SNED1: variants seen among roughly 807,000 people sequenced by gnomAD.
SNED1 encodes sushi, nidogen and EGF-like domain-containing protein 1.
A neutral mutation model predicts 166.7 loss-of-function variants in SNED1; 81 were observed. That is an observed-to-expected ratio of 0.49 (90% CI 0.41 to 0.58). The LOEUF is 0.58. SNED1 is among the 20% of genes least tolerant of loss of function. The probability of loss-of-function intolerance (pLI) is 0.00; values close to 1 mark genes in which losing one functional copy is unlikely to be tolerated. For missense variants in SNED1, 1,604 were observed against 2,000.2 expected, an observed-to-expected ratio of 0.80 and a Z score of 3.78; for synonymous variants, 762 against 822.0, an observed-to-expected ratio of 0.93 and a Z score of 1.25.
chr2:241,006,278 G>C (rs1227711205), intron 1 of SNED1, among the ~76,000 whole-genome samples: 6 of 151,726 alleles, frequency 4.0e-5, no homozygotes, highest in African/African-American at 1.5e-4. Context: ...TCATTATGTT[G>C]ACATTTCCTT....
Position 241,069,821 on chromosome 2 carries a change from A to T in SNED1, c.3308-99A>T. 1 of 1,395,488 alleles carries T rather than the reference A, an allele frequency of 7.2e-7. No individual in the cohort carries two copies. Among genetic ancestry groups the T allele is most frequent in the Non-Finnish European group, 9.8e-7 (1 of 1,023,170 alleles). 86.4% of individuals were successfully genotyped at this position (1,395,488 alleles called of 1,614,324 possible). ...CTCCATAATAAAGAATCTGGCTTCC[A>T]GCAAGGCTGCGGCAGCCCATGTCCG... On this transcript the variant is annotated intron_variant, in intron 23 of 31. Coordinates refer to ENST00000310397, the MANE Select transcript of SNED1 (RefSeq NM_001080437.3). This position sits in a 1 kb window ranked among gnomAD's most constrained non-coding sequence, Gnocchi z 4.9.
chr2:241,051,457 C>T lies in SNED1; in HGVS notation c.1736-287C>T, dbSNP rs898862940. ...GCTGCGCCCGCTGCAGTGTTGGGGCCGGTTCTCCACAGGAAGGGCCCAGCC... is the reference window on the plus strand; with the variant it reads ...GCTGCGCCCGCTGCAGTGTTGGGGCTGGTTCTCCACAGGAAGGGCCCAGCC... On this transcript the variant is annotated intron_variant, in intron 12 of 31. Transcript: ENST00000310397. The surrounding 1 kb of genome is among the most constrained non-coding windows in gnomAD (Gnocchi z 4.7). 1.3e-4 allele frequency: 44 copies of T among 342,948 alleles called. No individual in the cohort carries two copies. Among genetic ancestry groups the T allele is most frequent in the South Asian group, 1.3e-4 (1 of 7,914 alleles). The allele number at this position is 342,948 out of a possible 1,614,324, so 21.2% of individuals were successfully genotyped here.
At chr2:241,003,140 G>A (rs1306255412) in intron 1 of SNED1, among the ~76,000 whole-genome samples, 2 of 48,632 alleles carry the variant, frequency 4.1e-5, no homozygotes, top group African/African-American at 1.6e-4. Context: ...CCCCCGCTCA[G>A]GCACTCCCCC....
intron 4 of SNED1, chr2:241,035,618 C>G (rs866443477): frequency 3.9e-5 from 6 of 152,250 alleles, no homozygotes; most frequent in Middle Eastern, 3.4e-3. Flanking sequence ...ATCTAGGCTA[C>G]GAGAGGGGAG....
At chr2:241,040,477 A>C in intron 8 of SNED1, 64 bp downstream of exon 8, 3 of 1,006,632 alleles carry the variant, frequency 3.0e-6, no homozygotes, top group Non-Finnish European at 4.4e-6. Flanking sequence ...GAACACCCCC[A>C]TAGCCACTTT....
chr2:241,037,232 T>C lies in SNED1; in HGVS notation c.932-8T>C, dbSNP rs1574952709. 3 of 1,602,208 alleles carry C rather than the reference T, an allele frequency of 1.9e-6. No homozygotes were observed. Among genetic ancestry groups the C allele is most frequent in the African/African-American group, 1.3e-5 (1 of 74,696 alleles). ...GCCGCTGAGGCCTCAGCCTGCCCCATGTTTCAGACGTGAACGAATGTGCCT... is the reference window on the plus strand; with the variant it reads ...GCCGCTGAGGCCTCAGCCTGCCCCACGTTTCAGACGTGAACGAATGTGCCT... On this transcript the variant is annotated splice_polypyrimidine_tract_variant and splice_region_variant and intron_variant, in intron 5 of 31. Coordinates refer to ENST00000310397, the MANE Select transcript of SNED1 (RefSeq NM_001080437.3).
intron 1 of SNED1, among the ~76,000 whole-genome samples, chr2:241,012,326 C>CA (rs1307463354): frequency 6.6e-6 from 1 of 152,114 alleles, no homozygotes; most frequent in African/African-American, 2.4e-5. Context: ...CATAAACGTG[C>CA]AAAAAAAGAT....
At chr2:241,012,825 C>CTTTTTTTTTTTTTT (rs59199140) in intron 1 of SNED1, among the ~76,000 whole-genome samples, 4 of 134,876 alleles carry the variant, frequency 3.0e-5, no homozygotes, top group Non-Finnish European at 1.6e-5. Flanking sequence ...TTTTTTTTTT[C>CTTTTTTTTTTTTTT]TTTTTTTTTT....
intron 1 of SNED1, among the ~76,000 whole-genome samples, chr2:241,024,702 C>T (rs753994142): frequency 7.5e-4 from 45 of 60,358 alleles, no homozygotes; most frequent in South Asian, 1.1e-3. Context: ...GACAGAGTCT[C>T]GCTCTGTTGC....
chr2:241,054,656 G>A (rs762707861), intron 16 of SNED1, among the ~76,000 whole-genome samples: 14 of 152,208 alleles, frequency 9.2e-5, no homozygotes, highest in African/African-American at 7.2e-5. Context: ...AAACAGGATC[G>A]ATAAATTATT....
At chr2:241,060,449 C>T (rs535121245) in intron 16 of SNED1, among the ~76,000 whole-genome samples, 1 of 152,302 alleles carries the variant, frequency 6.6e-6, no homozygotes, top group South Asian at 2.1e-4. Context: ...TCCCAAAGTG[C>T]TGGATTACAG....
At position 241,071,662 on chromosome 2, in the gene SNED1, C is replaced by T. The variant is rs1449082697; in HGVS notation, c.3676C>T (p.Pro1226Ser). The change falls in exon 25 of 32, where the codon CCG becomes TCG. Residue 1226 changes from proline (P) to serine (S), a missense_variant. Around this residue, in one of 2 missense-constraint regions of SNED1, gnomAD observed 367 missense variants for 379.4 expected, o/e 0.97. Coordinates refer to ENST00000310397, the MANE Select transcript of SNED1 (RefSeq NM_001080437.3). ...LKNRPPPARLPELRLLNDHSA... is the reference protein window; with the variant it reads ...LKNRPPPARLSELRLLNDHSA... ...GAACAGACCGCCCCCGGCGCGCCTGCCGGAGCTGCGCCTGCTCAATGACCA... is the reference window on the plus strand; with the variant it reads ...GAACAGACCGCCCCCGGCGCGCCTGTCGGAGCTGCGCCTGCTCAATGACCA... 6.4e-7 allele frequency: 1 copy of T among 1,564,310 alleles called. No individual in the cohort carries two copies. The highest frequency in any genetic ancestry group is 1.8e-5 in the Admixed American group (1 of 54,608).
intron 27 of SNED1, among the ~76,000 whole-genome samples, chr2:241,076,675 G>A (rs2063034388): frequency 6.6e-6 from 1 of 152,060 alleles, no homozygotes; most frequent in Non-Finnish European, 1.5e-5. Flanking sequence ...AGACTAGCCT[G>A]GCCAACATGG....
chr2:241,066,355 C>T (rs185137434), intron 21 of SNED1, among the ~76,000 whole-genome samples: 1 of 152,294 alleles, frequency 6.6e-6, no homozygotes, highest in East Asian at 1.9e-4. Context: ...GAGAAAGGAG[C>T]CCTAGAACAT....
rs887433559 is a variant in SNED1 at position 241,018,100 on chromosome 2, C to T, written c.214-12184C>T. On this transcript the variant is annotated intron_variant, in intron 1 of 31. Transcript: ENST00000310397. The surrounding 1 kb of genome is among the most constrained non-coding windows in gnomAD (Gnocchi z 5.4). ...AAGGCTCACTCCCTCCCAGGTAACACGCAACCCGAGTAGCTCTGTCTGAGA... is the reference window on the plus strand; with the variant it reads ...AAGGCTCACTCCCTCCCAGGTAACATGCAACCCGAGTAGCTCTGTCTGAGA... Among the ~76,000 whole-genome samples the T allele has an allele frequency of 9.2e-5, 14 of 152,184 alleles. No individual in the cohort carries two copies. The highest frequency in any genetic ancestry group is 2.2e-4 in the African/African-American group (9 of 41,430).
Position 241,068,249 on chromosome 2 carries a change from C to T in SNED1, c.3194+302C>T, listed in dbSNP as rs1382237198. Among the ~76,000 whole-genome samples the T allele has an allele frequency of 1.4e-5, 2 of 146,858 alleles. No homozygotes were observed. The highest frequency in any genetic ancestry group is 2.0e-4 in the East Asian group (1 of 4,898). On this transcript the variant is annotated intron_variant, in intron 22 of 31. Transcript: ENST00000310397. The surrounding 1 kb of genome is among the most constrained non-coding windows in gnomAD (Gnocchi z 5.3). ...CTTTCCACACAGATCATGAGAGTGA[C>T]TTGGCCCCTCAGAGAGCAGCGGCCA...
At position 241,049,824 on chromosome 2, in the gene SNED1, A is replaced by T. The variant is rs781310099; in HGVS notation, c.1626A>T (p.Pro542=). 1.9e-6 allele frequency: 3 copies of T among 1,613,072 alleles called. No homozygotes were observed. The highest frequency in any genetic ancestry group is 2.7e-5 in the African/African-American group (2 of 74,892). The change falls in exon 12 of 32, where the codon CCA becomes CCT. Residue 542 remains proline, a synonymous_variant. Transcript: ENST00000310397. ...HTDHNASHSL[P]SPCDSDPCFN... ...TCTGTCCCCCGCCCCCAGCCCTGCC[A>T]TCACCCTGCGACTCGGACCCCTGCT...
intron 1 of SNED1, among the ~76,000 whole-genome samples, chr2:241,004,156 G>A (rs974933870): frequency 4.6e-5 from 7 of 152,222 alleles, no homozygotes; most frequent in Non-Finnish European, 1.5e-5. Context: ...GAAAGGAGAT[G>A]TATATAGGTA....
Position 241,064,141 on chromosome 2 carries a change from TGCCTGCTCCCCGCCCTCTGCCC to T in SNED1, c.2599+46_2599+67del, listed in dbSNP as rs1559284569. 37 of 1,488,508 alleles carry T rather than the reference TGCCTGCTCCCCGCCCTCTGCCC, an allele frequency of 2.5e-5. No individual in the cohort carries two copies. The highest frequency in any genetic ancestry group is 1.2e-4 in the South Asian group (10 of 81,700). 92.2% of individuals were successfully genotyped at this position (1,488,508 alleles called of 1,614,324 possible). A position where few individuals can be genotyped will look rare whatever the true frequency, so the allele number is the denominator to read the frequency against. On this transcript the variant is annotated intron_variant, in intron 19 of 31. Coordinates refer to ENST00000310397, the MANE Select transcript of SNED1 (RefSeq NM_001080437.3). This position sits in a 1 kb window ranked among gnomAD's most constrained non-coding sequence, Gnocchi z 7.0. Reference sequence around the variant, plus strand: ...TGCGAGACAGGTAGGGCGGCAGGCCTGCCTGCTCCCCGCCCTCTGCCCGCCTGCTCCCCGCCCTCTGCCCGCC... The same window carrying T: ...TGCGAGACAGGTAGGGCGGCAGGCCTGCCTGCTCCCCGCCCTCTGCCCGCC...
Sources: gnomAD v4.1 joint callset for allele counts (sites outside exome capture counted in the v4.1 genomes callset) on GRCh38, gnomAD v4.1.1 for gene constraint, gnomAD v4.1.1 regional missense constraint, Gnocchi (gnomAD v3.1) non-coding constraint, MANE v1.5 for transcripts, NCBI Gene and HGNC (gene_info 2026-07-23, HGNC 2026-07-21) for gene names.